Variants in THAP12 observed in about 807,000 individuals in gnomAD.
THAP12 encodes the protein THAP domain containing 12.
Under a neutral mutation model 63.0 loss-of-function variants are expected in THAP12, and 20 were observed. That is an observed-to-expected ratio of 0.32 (90% CI 0.22 to 0.46). THAP12 has a LOEUF of 0.46. Ranked by LOEUF, THAP12 falls within the 20% of genes least tolerant of loss-of-function variation. The pLI, the probability that THAP12 is intolerant of heterozygous loss-of-function variation, is 1.00. For missense variants in THAP12, 568 were observed against 908.2 expected, an observed-to-expected ratio of 0.63 and a Z score of 4.81; for synonymous variants, 264 against 328.4, an observed-to-expected ratio of 0.80 and a Z score of 2.12.
Position 76,380,790 on chromosome 11 carries a change from T to C in THAP12, c.47A>G (p.Gln16Arg). The change falls in exon 1 of 5, where the codon CAG becomes CGG. Residue 16 changes from glutamine to arginine, a missense_variant. Gln to Arg is a conservative substitution (Grantham distance 43, BLOSUM62 1). Coordinates refer to ENST00000260045, the MANE Select transcript of THAP12 (RefSeq NM_004705.4). ...GAACCTGAAGAAGGCCAAGTCGGAC[T>C]GCGTGCTCTTCCGCGTGCAGTTGGG... Reference protein sequence around the residue: ...AAPNCTRKSTQSDLAFFRFPR... With the variant: ...AAPNCTRKSTRSDLAFFRFPR... The C allele has an allele frequency of 6.8e-7, 1 of 1,466,840 alleles. No homozygotes were observed. The allele number at this position is 1,466,840 out of a possible 1,614,324, so 90.9% of individuals were successfully genotyped here.
intron 1 of THAP12, among the ~76,000 whole-genome samples, chr11:76,370,485 C>G (rs1054654825): frequency 6.6e-6 from 1 of 151,740 alleles, no homozygotes; most frequent in Non-Finnish European, 1.5e-5. Flanking sequence ...ACCTCAGTCT[C>G]CCATGTAGCT....
At chr11:76,371,745 C>T (rs1200173889) in intron 1 of THAP12, among the ~76,000 whole-genome samples, 1 of 151,856 alleles carries the variant, frequency 6.6e-6, no homozygotes, top group Non-Finnish European at 1.5e-5. Flanking sequence ...AAATTACTAA[C>T]GACCCTATCC....
chr11:76,356,632 T>C (rs1320794642), intron 3 of THAP12: 1 of 152,232 alleles, frequency 6.6e-6, no homozygotes, highest in Non-Finnish European at 1.5e-5. Flanking sequence ...CAGACTTTTT[T>C]TCTCATTCTT....
At chr11:76,372,213 CA>C (rs1394129001) in intron 1 of THAP12, among the ~76,000 whole-genome samples, 2 of 152,186 alleles carry the variant, frequency 1.3e-5, no homozygotes, top group Non-Finnish European at 2.9e-5. Flanking sequence ...CTAAACCTCA[CA>C]AAGTGCTGGG....
At chr11:76,375,685 G>T (rs1040151502) in intron 1 of THAP12, among the ~76,000 whole-genome samples, 1 of 134,132 alleles carries the variant, frequency 7.5e-6, no homozygotes, top group Non-Finnish European at 1.5e-5. Flanking sequence ...AGCATTTGAA[G>T]ACTAGACTGG....
intron 4 of THAP12, among the ~76,000 whole-genome samples, chr11:76,353,767 T>C (rs896124058): frequency 2.0e-5 from 3 of 152,188 alleles, no homozygotes; most frequent in Non-Finnish European, 4.4e-5. Flanking sequence ...TCCCAGCACT[T>C]TGGGAGGCTG....
At chr11:76,378,456 AATCTAAAGTCATGAAGATTT>A (rs1946726315) in intron 1 of THAP12, among the ~76,000 whole-genome samples, 1 of 152,172 alleles carries the variant, frequency 6.6e-6, no homozygotes, top group Non-Finnish European at 1.5e-5. Flanking sequence ...TGTGCTGCCA[AATCTAAAGTCATGAAGATTT>A]ATCTGTATTT....
intron 2 of THAP12, among the ~76,000 whole-genome samples, chr11:76,361,648 G>T (rs1946598521): frequency 6.6e-6 from 1 of 152,108 alleles, no homozygotes; most frequent in Non-Finnish European, 1.5e-5. Context: ...TATTGAACTA[G>T]ATCAACATTT....
chr11:76,379,132 G>A (rs552032313), intron 1 of THAP12, among the ~76,000 whole-genome samples: 72 of 152,216 alleles, frequency 4.7e-4, no homozygotes, highest in Non-Finnish European at 8.4e-4. Context: ...GGCCAACATA[G>A]ATTTTTAAAA....
At chr11:76,368,165 C>G (rs1425832975) in intron 1 of THAP12, among the ~76,000 whole-genome samples, 1 of 152,154 alleles carries the variant, frequency 6.6e-6, no homozygotes, top group Non-Finnish European at 1.5e-5. Flanking sequence ...TTTCTGATAT[C>G]AACAGCAACT....
intron 1 of THAP12, 45 bp downstream of exon 1, chr11:76,380,703 C>A: frequency 7.5e-7 from 1 of 1,327,884 alleles, no homozygotes; most frequent in Non-Finnish European, 9.7e-7. Context: ...GCAGCGCTCA[C>A]CGCGAAGGTG....
intron 1 of THAP12, among the ~76,000 whole-genome samples, chr11:76,369,078 G>A (rs1053516938): frequency 2.6e-5 from 4 of 151,618 alleles, no homozygotes; most frequent in Non-Finnish European, 4.4e-5. Context: ...ATAGGCAAGG[G>A]GCCTTGAACA....
chr11:76,360,529 T>C (rs946975922), intron 3 of THAP12, among the ~76,000 whole-genome samples: 3 of 152,228 alleles, frequency 2.0e-5, no homozygotes, highest in Non-Finnish European at 1.5e-5. Flanking sequence ...CTAAACCCTG[T>C]ACATATTTAA....
intron 1 of THAP12, among the ~76,000 whole-genome samples, chr11:76,369,196 C>T (rs1225639340): frequency 2.0e-5 from 3 of 152,090 alleles, no homozygotes; most frequent in South Asian, 4.1e-4. Context: ...AAACAAATTA[C>T]TACATACCCA....
chr11:76,369,743 C>T (rs898934920), intron 1 of THAP12, among the ~76,000 whole-genome samples: 12 of 152,402 alleles, frequency 7.9e-5, no homozygotes, highest in Non-Finnish European at 1.2e-4. Context: ...CACTACGTCT[C>T]TAACGGTCTT....
chr11:76,361,356 T>C (rs1164474292), intron 2 of THAP12: 3 of 266,304 alleles, frequency 1.1e-5, no homozygotes, highest in Admixed American at 5.2e-5. Flanking sequence ...CTACTTTATC[T>C]GTACTGTCCT....
intron 4 of THAP12, 99 bp downstream of exon 4, chr11:76,355,519 A>C: frequency 1.8e-6 from 2 of 1,110,196 alleles, no homozygotes; most frequent in Middle Eastern, 2.1e-4. Flanking sequence ...ATTCATTCTC[A>C]AGGTAGGTTT....
intron 3 of THAP12, among the ~76,000 whole-genome samples, chr11:76,360,509 G>A (rs1946591228): frequency 6.6e-6 from 1 of 152,160 alleles, no homozygotes. Context: ...AGAAATTTCA[G>A]TGTTTTTTTC....
intron 1 of THAP12, among the ~76,000 whole-genome samples, chr11:76,377,862 G>C (rs1022320274): frequency 1.3e-5 from 2 of 152,106 alleles, no homozygotes; most frequent in African/African-American, 4.8e-5. Context: ...CTTTTCATGT[G>C]CTTTTTAGCC....
Sources: gnomAD v4.1 joint callset for allele counts (sites outside exome capture counted in the v4.1 genomes callset) on GRCh38, gnomAD v4.1.1 for gene constraint, MANE v1.5 for transcripts, NCBI Gene and HGNC (gene_info 2026-07-23, HGNC 2026-07-21) for gene names.